The following CLTA variants were observed in gnomAD, a reference collection of about 807,000 sequenced individuals.
CLTA encodes the protein clathrin, light polypeptide (Lca).
A neutral mutation model predicts 26.9 loss-of-function variants in CLTA; 9 were observed. That is an observed-to-expected ratio of 0.33 (90% CI 0.20 to 0.58). The LOEUF (loss-of-function observed/expected upper bound fraction) is 0.58. CLTA is among the 20% of genes least tolerant of loss of function. The probability of loss-of-function intolerance (pLI) is 0.85; values close to 1 mark genes in which losing one functional copy is unlikely to be tolerated. For missense variants in CLTA, 278 were observed against 294.2 expected (o/e 0.94, Z 0.40); for synonymous variants, 120 against 115.5 (o/e 1.04, Z -0.25).
chr9:36,205,010 A>T (rs558411336), intron 4 of CLTA, among the ~76,000 whole-genome samples: 1 of 152,336 alleles, frequency 6.6e-6, no homozygotes, highest in South Asian at 2.1e-4. Flanking sequence ...GGGTTCTCGT[A>T]TGCAGAGGCA....
chr9:36,209,135 A>T (rs1173232875), intron 4 of CLTA: 2 of 1,093,788 alleles, frequency 1.8e-6, no homozygotes, highest in Admixed American at 4.8e-5. Context: ...CACGGGGGTT[A>T]GGAAGGAGCC....
intron 3 of CLTA, among the ~76,000 whole-genome samples, chr9:36,200,335 T>TAC (rs370276069): frequency 6.6e-6 from 1 of 152,180 alleles, no homozygotes; most frequent in Non-Finnish European, 1.5e-5. Flanking sequence ...GTTTTAGACA[T>TAC]ACACACACAC....
At chr9:36,194,173 C>T (rs1416533104) in intron 1 of CLTA, among the ~76,000 whole-genome samples, 1 of 152,132 alleles carries the variant, frequency 6.6e-6, no homozygotes, top group African/African-American at 2.4e-5. Flanking sequence ...TTACAGGCGC[C>T]CACCACCGTG....
At chr9:36,209,049 T>C (rs1312323117) in intron 4 of CLTA, among the ~76,000 whole-genome samples, 1 of 152,200 alleles carries the variant, frequency 6.6e-6, no homozygotes. Flanking sequence ...CAGTGCTTGC[T>C]CTGTCGTGGA....
chr9:36,198,949 T>C (rs761339541), intron 2 of CLTA, 30 bp from the exon 3 acceptor site: 24 of 1,492,842 alleles, frequency 1.6e-5, no homozygotes, highest in Non-Finnish European at 1.4e-5. Context: ...TTTTTGGTAT[T>C]AATATAGCAC....
chr9:36,203,055 A>G (rs1308167215), intron 3 of CLTA, among the ~76,000 whole-genome samples: 3 of 151,714 alleles, frequency 2.0e-5, no homozygotes, highest in African/African-American at 7.3e-5. Flanking sequence ...CTGGTCTCGA[A>G]CTCCTAACCT....
Position 36,202,203 on chromosome 9 carries a change from G to A in CLTA, c.374-1865G>A, listed in dbSNP as rs568703689. The stretch of plus-strand genomic sequence containing the variant: ...TCTTCTGAACGACAGATCACCTTCC[G>A]ACAAATTAGATACCGAGATGAACGT... On this transcript the variant is annotated intron_variant, in intron 3 of 4. Transcript: ENST00000345519. Among the ~76,000 whole-genome samples the A allele has an allele frequency of 7.2e-5, 11 of 152,222 alleles. 1 individual carries two copies. The highest frequency in any genetic ancestry group is 5.9e-4 in the Admixed American group (9 of 15,286).
At chr9:36,193,870 T>C (rs772503879) in intron 1 of CLTA, among the ~76,000 whole-genome samples, 1 of 152,020 alleles carries the variant, frequency 6.6e-6, no homozygotes, top group Non-Finnish European at 1.5e-5. Flanking sequence ...TGAAGTGATA[T>C]TGAGGTAACC....
intron 1 of CLTA, among the ~76,000 whole-genome samples, chr9:36,194,550 G>C (rs146487045): frequency 6.6e-6 from 1 of 152,174 alleles, no homozygotes; most frequent in Non-Finnish European, 1.5e-5. Flanking sequence ...AGAATGGATC[G>C]GTGTGGAAGT....
At chr9:36,196,001 C>T (rs1057147218) in intron 1 of CLTA, among the ~76,000 whole-genome samples, 6 of 151,050 alleles carry the variant, frequency 4.0e-5, no homozygotes, top group South Asian at 2.1e-4. Context: ...CCTGGCTGGG[C>T]GCAGTGGCTC....
chr9:36,206,724 A>G (rs1156462702), intron 4 of CLTA, among the ~76,000 whole-genome samples: 1 of 151,902 alleles, frequency 6.6e-6, no homozygotes, highest in Non-Finnish European at 1.5e-5. Flanking sequence ...GTGAAACCCC[A>G]TCTCTACTAA....
intron 2 of CLTA, 101 bp from the exon 3 acceptor site, chr9:36,198,874 CAAAA>C (rs374265014): frequency 9.5e-4 from 430 of 454,222 alleles, no homozygotes; most frequent in Non-Finnish European, 1.1e-3. Context: ...AACTCTGTCT[CAAAA>C]AAAAAAAAAA....
chr9:36,190,956 C>A lies in CLTA; in HGVS notation c.-101C>A, dbSNP rs1169497287. 4.2e-6 allele frequency: 6 copies of A among 1,439,862 alleles called. No individual in the cohort carries two copies. Among genetic ancestry groups the A allele is most frequent in the Non-Finnish European group, 5.4e-6 (6 of 1,105,672 alleles). 89.2% of individuals were successfully genotyped at this position (1,439,862 alleles called of 1,614,324 possible). The stretch of plus-strand genomic sequence containing the variant: ...CGTCTCCCTCCTGGCGCTTGTCCTC[C>A]TCTCCCAGTCGGCACCACAGCGGTG... On this transcript the variant is annotated 5_prime_UTR_variant, in exon 1 of 5. Coordinates refer to ENST00000345519, the MANE Select transcript of CLTA (RefSeq NM_001833.4).
In CLTA at chr9:36,207,788, G is replaced by A. The variant is rs149162296; in HGVS notation, c.485+3609G>A. ...TTGTCTTAGTGATGATTTGACAGGA[G>A]TCATGAAACCTCTACTCTTCTTGTG... On this transcript the variant is annotated intron_variant, in intron 4 of 4. Transcript: ENST00000345519. Among the ~76,000 whole-genome samples, 148 of 152,314 alleles carry A rather than the reference G, an allele frequency of 9.7e-4. 1 individual carries two copies. Among genetic ancestry groups the A allele is most frequent in the African/African-American group, 3.3e-3 (137 of 41,560 alleles).
Position 36,191,050 on chromosome 9 carries a change from G to A in CLTA, c.-7G>A, listed in dbSNP as rs371479717. 33 of 1,531,908 alleles carry A rather than the reference G, an allele frequency of 2.2e-5. No individual in the cohort carries two copies. The highest frequency in any genetic ancestry group is 2.8e-5 in the Non-Finnish European group (32 of 1,151,644). 94.9% of individuals were successfully genotyped at this position (1,531,908 alleles called of 1,614,324 possible). A position where few individuals can be genotyped will look rare whatever the true frequency, so the allele number is the denominator to read the frequency against. On this transcript the variant is annotated 5_prime_UTR_variant, in exon 1 of 5. Coordinates refer to ENST00000345519, the MANE Select transcript of CLTA (RefSeq NM_001833.4). ...CCGTTGGTGTCCGTGCCGTTCAGTT[G>A]CCCGCCATGGCTGAGCTGGATCCGT...
intron 4 of CLTA, among the ~76,000 whole-genome samples, chr9:36,210,043 C>T (rs893283469): frequency 4.6e-5 from 7 of 152,168 alleles, no homozygotes; most frequent in African/African-American, 1.7e-4. Context: ...CTGACCCCCC[C>T]AAAAGAAACC....
rs370552642 is a variant in CLTA at position 36,198,350 on chromosome 9, G to A, written c.256-629G>A. On this transcript the variant is annotated intron_variant, in intron 2 of 4. Coordinates refer to ENST00000345519, the MANE Select transcript of CLTA (RefSeq NM_001833.4). ...AGAACCCGTTTCTAACAACAATGGC[G>A]GCTTTTGTAAAATGTTAAAGGATTA... is the stretch of plus-strand genomic sequence containing the variant. 2.6e-4 allele frequency among the ~76,000 whole-genome samples: 40 copies of A among 151,688 alleles called. 1 individual carries two copies. Among genetic ancestry groups the A allele is most frequent in the African/African-American group, 8.9e-4 (37 of 41,382 alleles).
chr9:36,211,776 G>A lies in CLTA; in HGVS notation c.*2G>A, dbSNP rs985711611. On this transcript the variant is annotated 3_prime_UTR_variant, in exon 5 of 5. Transcript: ENST00000345519. ...AAGCAGGCCCCGCTGGTGCACTGAA[G>A]AGCCACCCTGTGGAAACACTACATC... 2 of 1,604,390 alleles carry A rather than the reference G, an allele frequency of 1.2e-6. No individual in the cohort carries two copies. The highest frequency in any genetic ancestry group is 1.7e-6 in the Non-Finnish European group (2 of 1,172,730).
chr9:36,210,435 G>T (rs1587253450), intron 4 of CLTA: 1 of 250,054 alleles, frequency 4.0e-6, no homozygotes, highest in Non-Finnish European at 6.3e-6. Flanking sequence ...GAGTAGAAAT[G>T]GAGACTGGAA....
Sources: allele counts gnomAD v4.1 joint callset (sites outside exome capture counted in the v4.1 genomes callset), GRCh38; gene constraint gnomAD v4.1.1; transcripts MANE v1.5; gene names NCBI Gene and HGNC (gene_info 2026-07-23, HGNC 2026-07-21).